SLA: variants seen among roughly 807,000 people sequenced by gnomAD.
The protein encoded by SLA is src-like-adapter.
SLA carries 16 observed loss-of-function variants against 30.3 expected under a neutral mutation model. That is an observed-to-expected ratio of 0.53 (90% CI 0.36 to 0.80). The LOEUF is 0.80. Ranked by LOEUF, SLA falls within the 30% of genes least tolerant of loss-of-function variation. The pLI is 0.01. For missense variants in SLA, 310 were observed against 345.2 expected, an observed-to-expected ratio of 0.90 and a Z score of 0.81; for synonymous variants, 143 against 137.8, an observed-to-expected ratio of 1.04 and a Z score of -0.26.
Position 133,040,070 on chromosome 8 carries a change from G to A in SLA, c.545C>T (p.Ala182Val), listed in dbSNP as rs181008087. 5 of 1,556,686 alleles carry A rather than the reference G, an allele frequency of 3.2e-6. No individual in the cohort carries two copies. The highest frequency in any genetic ancestry group is 1.2e-5 in the South Asian group (1 of 84,306). ...TTPCLTQSTA[A>V]PAVRASSSPV... ...TGAGCTGGAGGCCCTCACTGCTGGG[G>A]CAGCCGTGCTTTGTGTCAGGCAGGG... The change falls in exon 8 of 9, where the codon GCC becomes GTC. Residue 182 changes from alanine (A) to valine (V), a missense_variant. By Grantham distance (64) the Ala-to-Val change is moderately conservative. Coordinates refer to ENST00000338087, the MANE Select transcript of SLA (RefSeq NM_001045556.3).
Position 133,038,645 on chromosome 8 carries a change from A to G in SLA, c.710T>C (p.Leu237Pro). The G allele has an allele frequency of 6.2e-7, 1 of 1,613,696 alleles. No individual in the cohort carries two copies. The highest frequency in any genetic ancestry group is 1.3e-5 in the African/African-American group (1 of 75,034). ...YGLRESIASYLSLTSEDNTSF... is the reference protein window; with the variant it reads ...YGLRESIASYPSLTSEDNTSF... ...GGTGTTGTCCTCACTGGTCAGGGACAGGTAAGAGGCAATGCTCTCTCGAAG... is the reference window on the plus strand; with the variant it reads ...GGTGTTGTCCTCACTGGTCAGGGACGGGTAAGAGGCAATGCTCTCTCGAAG... Residue 237 changes from leucine to proline, a missense_variant, in exon 9 of 9, where the codon CTG becomes CCG. Transcript: ENST00000338087.
chr8:133,047,750 G>A lies in SLA; in HGVS notation c.352+80C>T, dbSNP rs530649043. 44 of 828,406 alleles carry A rather than the reference G, an allele frequency of 5.3e-5. No individual in the cohort carries two copies. The Admixed American group carries it at 7.2e-4, about 14-fold the overall frequency. 51.3% of individuals were successfully genotyped at this position (828,406 alleles called of 1,614,324 possible). A position where few individuals can be genotyped will look rare whatever the true frequency, so the allele number is the denominator to read the frequency against. ...GCATGGACGTAGGAGGAAGGAAAATGAAGCCGTGTAATGAGTCAGCCAGGA... is the reference window on the plus strand; with the variant it reads ...GCATGGACGTAGGAGGAAGGAAAATAAAGCCGTGTAATGAGTCAGCCAGGA... On this transcript the variant is annotated intron_variant, in intron 6 of 8. Coordinates refer to ENST00000338087, the MANE Select transcript of SLA (RefSeq NM_001045556.3).
chr8:133,075,108 G>A lies in SLA; in HGVS notation c.-296C>T. On this transcript the variant is annotated 5_prime_UTR_variant, in exon 2 of 9. The change creates a premature stop within an existing upstream ORF in the 5' untranslated region. Transcript: ENST00000338087. ...GGTTCCTGTTTTCAGTAACCACTCT[G>A]AGCAAGCTTCTCTCTGCAAGGACTG... 1.0e-6 allele frequency: 1 copy of A among 985,440 alleles called. No homozygotes were observed. Among genetic ancestry groups the A allele is most frequent in the Non-Finnish European group, 1.2e-6 (1 of 829,920 alleles). 61.0% of individuals were successfully genotyped at this position (985,440 alleles called of 1,614,324 possible).
intron 3 of SLA, among the ~76,000 whole-genome samples, chr8:133,055,361 GCGCGCA>G (rs1167309690): frequency 0.025 from 3,266 of 131,692 alleles, 49 homozygotes; most frequent in Middle Eastern, 0.06. Flanking sequence ...ACACACGCAC[GCGCGCA>G]CACACACACA....
At chr8:133,097,977 G>T (rs1054292341) in intron 1 of SLA, among the ~76,000 whole-genome samples, 4 of 152,090 alleles carry the variant, frequency 2.6e-5, no homozygotes, top group African/African-American at 9.7e-5. Context: ...GCAAGGGGGG[G>T]TGTCAAGTAA....
At chr8:133,097,937 T>A (rs545279588) in intron 1 of SLA, among the ~76,000 whole-genome samples, 1 of 152,174 alleles carries the variant, frequency 6.6e-6, no homozygotes, top group Non-Finnish European at 1.5e-5. Context: ...GAGTTCTCTC[T>A]GAGGGTGTAT....
chr8:133,085,398 A>G (rs767028542), intron 1 of SLA, among the ~76,000 whole-genome samples: 1 of 152,248 alleles, frequency 6.6e-6, no homozygotes, highest in Non-Finnish European at 1.5e-5. Flanking sequence ...AAAAGATGCC[A>G]TGAAGAAAGT....
At chr8:133,096,437 T>C in intron 1 of SLA, 1 of 1,590,712 alleles carries the variant, frequency 6.3e-7, no homozygotes, top group Non-Finnish European at 8.6e-7. Context: ...TGGACCTCAA[T>C]GTCTGACTTG....
At chr8:133,068,099 C>T (rs560308715) in intron 2 of SLA, among the ~76,000 whole-genome samples, 1 of 152,168 alleles carries the variant, frequency 6.6e-6, no homozygotes, top group East Asian at 1.9e-4. Flanking sequence ...CATCATAAAG[C>T]ATCACTTGAA....
chr8:133,067,854 G>GA (rs1304861281), intron 2 of SLA, among the ~76,000 whole-genome samples: 1 of 54,894 alleles, frequency 1.8e-5, no homozygotes, highest in African/African-American at 9.4e-5. Context: ...GAGAGAGAGA[G>GA]AAAGAAAGAA....
intron 2 of SLA, among the ~76,000 whole-genome samples, chr8:133,066,624 C>T (rs550515925): frequency 1.2e-4 from 18 of 152,160 alleles, no homozygotes; most frequent in East Asian, 3.8e-4. Flanking sequence ...AGAATGAGGG[C>T]GCCTTAAAGA....
chr8:133,096,491 T>C, intron 1 of SLA: 1 of 1,263,504 alleles, frequency 7.9e-7, no homozygotes, highest in Non-Finnish European at 1.1e-6. Context: ...CTGTGTGCAA[T>C]GCCTATGTGA....
At chr8:133,041,648 A>G (rs1838265368) in intron 7 of SLA, among the ~76,000 whole-genome samples, 1 of 151,982 alleles carries the variant, frequency 6.6e-6, no homozygotes, top group African/African-American at 2.4e-5. Flanking sequence ...TTCCTTAGAC[A>G]GGTTAATACT....
At position 133,098,997 on chromosome 8, in the gene SLA, G is replaced by C. The variant is rs146699031; in HGVS notation, c.-319+3556C>G. Among the ~76,000 whole-genome samples, 1,349 of 152,322 alleles carry C rather than the reference G, an allele frequency of 8.9e-3. 27 individuals carry two copies. Among genetic ancestry groups the C allele is most frequent in the African/African-American group, 0.031 (1,299 of 41,554 alleles). ...CCAGAGGACTGGGATCTCTACTCAAGGATGCATTTGCATTCTTCTCATTGA... is the reference window on the plus strand; with the variant it reads ...CCAGAGGACTGGGATCTCTACTCAACGATGCATTTGCATTCTTCTCATTGA... On this transcript the variant is annotated intron_variant, in intron 1 of 8. Coordinates refer to ENST00000338087, the MANE Select transcript of SLA (RefSeq NM_001045556.3).
intron 2 of SLA, among the ~76,000 whole-genome samples, chr8:133,070,295 C>T (rs1843803930): frequency 6.6e-6 from 1 of 152,164 alleles, no homozygotes; most frequent in Non-Finnish European, 1.5e-5. Context: ...CCAGACACCA[C>T]TGGAGCGAAC....
At chr8:133,094,964 G>A in intron 1 of SLA, 1 of 1,590,108 alleles carries the variant, frequency 6.3e-7, no homozygotes, top group Admixed American at 1.7e-5. Flanking sequence ...GCAGAACCCT[G>A]ATGTGGCACT....
intron 3 of SLA, among the ~76,000 whole-genome samples, chr8:133,056,991 A>T (rs1422687467): frequency 1.3e-5 from 2 of 152,148 alleles, no homozygotes; most frequent in East Asian, 3.9e-4. Context: ...GTTACTTCCC[A>T]GGGGATTCTG....
intron 3 of SLA, among the ~76,000 whole-genome samples, chr8:133,052,717 C>T (rs1362100270): frequency 6.6e-6 from 1 of 152,156 alleles, no homozygotes; most frequent in Non-Finnish European, 1.5e-5. Flanking sequence ...ATTTGGCAGT[C>T]CTCTTTAAGA....
rs1263856215 is a variant in SLA at position 133,082,602 on chromosome 8, G to A, written c.-318-7472C>T. On this transcript the variant is annotated intron_variant, in intron 1 of 8. Transcript: ENST00000338087. Reference sequence around the variant, plus strand: ...GGACATTGAGCAATAAGGCCTTTGCGGCTAGCTTCCCCACGTCACCGGAGT... The same window carrying A: ...GGACATTGAGCAATAAGGCCTTTGCAGCTAGCTTCCCCACGTCACCGGAGT... 2.0e-5 allele frequency among the ~76,000 whole-genome samples: 3 copies of A among 152,248 alleles called. No individual in the cohort carries two copies. The South Asian group carries it at 6.2e-4, about 32-fold the overall frequency.
Sources: allele counts gnomAD v4.1 joint callset (sites outside exome capture counted in the v4.1 genomes callset), GRCh38; gene constraint gnomAD v4.1.1; transcripts MANE v1.5; gene names NCBI Gene and HGNC (gene_info 2026-07-23, HGNC 2026-07-21).